Variants in DENND5B observed in about 807,000 individuals in gnomAD.
The protein encoded by DENND5B is DENN domain containing 5B, also known as DENN domain-containing protein 5B.
In DENND5B, 34 loss-of-function variants were observed where a neutral mutation model predicts 140.6. The observed-to-expected ratio is 0.24, with a 90% CI of 0.18 to 0.32. The LOEUF (loss-of-function observed/expected upper bound fraction) is 0.32, where lower values mean the gene tolerates loss of function less well. Among genes scored for constraint, DENND5B ranks in the 10% least tolerant of loss-of-function variants. DENND5B has a pLI of 1.00. For missense variants in DENND5B, 1,142 were observed against 1,560.2 expected (o/e 0.73, Z 4.52); for synonymous variants, 551 against 562.1 (o/e 0.98, Z 0.28).
At chr12:31,474,652 C>T (rs150783647) in intron 3 of DENND5B, among the ~76,000 whole-genome samples, 13 of 152,254 alleles carry the variant, frequency 8.5e-5, no homozygotes, top group Non-Finnish European at 2.9e-5. Context: ...TCAGCACACG[C>T]AATGTTTTTA....
At chr12:31,458,455 T>C (rs1944880146) in intron 4 of DENND5B, among the ~76,000 whole-genome samples, 1 of 152,214 alleles carries the variant, frequency 6.6e-6, no homozygotes. Flanking sequence ...GCAAATAACA[T>C]ACTTGACTAA....
chr12:31,530,676 CAAA>C (rs929682347), intron 1 of DENND5B, among the ~76,000 whole-genome samples: 3 of 151,982 alleles, frequency 2.0e-5, no homozygotes, highest in African/African-American at 7.3e-5. Context: ...TTATACTAAA[CAAA>C]GAAGGGAAAT....
At chr12:31,557,125 A>G (rs1949313150) in intron 1 of DENND5B, among the ~76,000 whole-genome samples, 1 of 152,228 alleles carries the variant, frequency 6.6e-6, no homozygotes, top group Admixed American at 6.5e-5. Flanking sequence ...AGGTTAAGAC[A>G]GCATCCATAA....
At chr12:31,484,748 C>T (rs967332880) in intron 2 of DENND5B, among the ~76,000 whole-genome samples, 1 of 152,070 alleles carries the variant, frequency 6.6e-6, no homozygotes, top group African/African-American at 2.4e-5. Flanking sequence ...TTGCAGTGAG[C>T]CGAGATTGTG....
chr12:31,513,286 T>A (rs771727797), intron 1 of DENND5B, among the ~76,000 whole-genome samples: 2 of 152,196 alleles, frequency 1.3e-5, no homozygotes, highest in Non-Finnish European at 2.9e-5. Context: ...GCTAAGATAG[T>A]GTTCTTCAGG....
chr12:31,576,368 G>A (rs903929785), intron 1 of DENND5B, among the ~76,000 whole-genome samples: 2 of 149,604 alleles, frequency 1.3e-5, no homozygotes, highest in African/African-American at 4.9e-5. Context: ...CATCAGAATC[G>A]CTTGAACCCG....
At chr12:31,491,390 T>G (rs1048228001) in intron 2 of DENND5B, among the ~76,000 whole-genome samples, 35 of 151,848 alleles carry the variant, frequency 2.3e-4, no homozygotes, top group African/African-American at 8.2e-4. Flanking sequence ...GAGGCAGAGG[T>G]TGTAAGTAAG....
chr12:31,498,597 A>T (rs1225442540), intron 1 of DENND5B, among the ~76,000 whole-genome samples: 6 of 152,208 alleles, frequency 3.9e-5, no homozygotes, highest in Non-Finnish European at 7.3e-5. Context: ...TGCTATATAT[A>T]CACAGCTGTC....
intron 8 of DENND5B, among the ~76,000 whole-genome samples, chr12:31,429,409 A>C (rs138439836): frequency 1.0e-3 from 154 of 152,180 alleles, no homozygotes; most frequent in African/African-American, 3.3e-3. Context: ...TTTATTTATT[A>C]TTATTATTTT....
At chr12:31,522,459 T>C (rs1219717186) in intron 1 of DENND5B, among the ~76,000 whole-genome samples, 1 of 152,150 alleles carries the variant, frequency 6.6e-6, no homozygotes, top group Admixed American at 6.6e-5. Context: ...GCTATTATTA[T>C]TTTGAGACAA....
At chr12:31,434,550 A>G (rs1049700030) in intron 7 of DENND5B, among the ~76,000 whole-genome samples, 2 of 152,122 alleles carry the variant, frequency 1.3e-5, no homozygotes, top group Non-Finnish European at 2.9e-5. Flanking sequence ...TTAAAAATAT[A>G]TAATGTTTCC....
chr12:31,450,331 A>G (rs1593197004), intron 5 of DENND5B, among the ~76,000 whole-genome samples: 1 of 150,978 alleles, frequency 6.6e-6, no homozygotes, highest in African/African-American at 2.4e-5. Context: ...TCATCCTCCA[A>G]CAGAAAAAAT....
intron 8 of DENND5B, among the ~76,000 whole-genome samples, chr12:31,428,239 G>A (rs1943336740): frequency 6.6e-6 from 1 of 151,360 alleles, no homozygotes; most frequent in African/African-American, 2.4e-5. Flanking sequence ...CTACTCGGGA[G>A]GCTGAGGCAG....
chr12:31,539,267 T>A (rs1216806300), intron 1 of DENND5B, among the ~76,000 whole-genome samples: 1 of 152,076 alleles, frequency 6.6e-6, no homozygotes, highest in African/African-American at 2.4e-5. Flanking sequence ...AAGAAAAGCC[T>A]GGGACCTGAT....
chr12:31,514,630 ACATGGTAAAAACC>A (rs1173961751), intron 1 of DENND5B, among the ~76,000 whole-genome samples: 1 of 151,944 alleles, frequency 6.6e-6, no homozygotes, highest in African/African-American at 2.4e-5. Context: ...AGCCTGGCCA[ACATGGTAAAAACC>A]CATCTCTACT....
At chr12:31,518,454 C>T (rs575388294) in intron 1 of DENND5B, among the ~76,000 whole-genome samples, 7 of 152,290 alleles carry the variant, frequency 4.6e-5, no homozygotes, top group Admixed American at 1.3e-4. Flanking sequence ...AAATGTCCAC[C>T]TCTGTACCCT....
At chr12:31,556,644 CTATCTCTATTCTACTTTAAATAAA>C (rs1305227945) in intron 1 of DENND5B, among the ~76,000 whole-genome samples, 12 of 152,244 alleles carry the variant, frequency 7.9e-5, no homozygotes, top group Admixed American at 7.2e-4. Flanking sequence ...TAGCAAGACC[CTATCTCTATTCTACTTTAAATAAA>C]AAATAAAAAT....
intron 20 of DENND5B, among the ~76,000 whole-genome samples, chr12:31,388,599 T>C (rs1351090144): frequency 6.6e-6 from 1 of 151,860 alleles, no homozygotes; most frequent in African/African-American, 2.4e-5. Context: ...AAGTTGGGGC[T>C]CTTAAGGTTC....
chr12:31,451,375 G>A (rs540290241), intron 5 of DENND5B, among the ~76,000 whole-genome samples: 2 of 152,178 alleles, frequency 1.3e-5, no homozygotes, highest in South Asian at 2.1e-4. Context: ...CCAGGCCGGA[G>A]TACAGTGGCG....
Sources: allele counts gnomAD v4.1 joint callset (sites outside exome capture counted in the v4.1 genomes callset), GRCh38; gene constraint gnomAD v4.1.1; transcripts MANE v1.5; gene names NCBI Gene and HGNC (gene_info 2026-07-23, HGNC 2026-07-21).